Variants in CCDC178 observed in about 807,000 individuals in gnomAD.
The protein encoded by CCDC178 is coiled-coil domain-containing protein 178.
In CCDC178, 126 loss-of-function variants were observed where a neutral mutation model predicts 117.4. The observed-to-expected ratio is 1.07, with a 90% CI of 0.93 to 1.24. The LOEUF is 1.24. CCDC178 is among the 50% of genes most tolerant of loss of function. The pLI is 0.00. For missense variants in CCDC178, 1,030 were observed against 986.9 expected (o/e 1.04, Z -0.59); for synonymous variants, 283 against 313.4 (o/e 0.90, Z 1.02).
intron 4 of CCDC178, among the ~76,000 whole-genome samples, chr18:33,392,401 A>G (rs2063575782): frequency 6.6e-6 from 1 of 152,154 alleles, no homozygotes; most frequent in Non-Finnish European, 1.5e-5. Context: ...TTTGAACTTT[A>G]GTTTTACTCT....
chr18:33,139,884 A>G (rs1281620161), intron 20 of CCDC178, among the ~76,000 whole-genome samples: 2 of 152,108 alleles, frequency 1.3e-5, no homozygotes, highest in Non-Finnish European at 1.5e-5. Context: ...AGGGCCTCCC[A>G]TCACAGGCCT....
rs1200287834 is a variant in CCDC178 at position 33,412,121 on chromosome 18, A to T, written c.-22-11T>A. The T allele has an allele frequency of 9.6e-7, 1 of 1,044,086 alleles. No homozygotes were observed. Among genetic ancestry groups the T allele is most frequent in the East Asian group, 2.6e-5 (1 of 38,440 alleles). 64.7% of individuals were successfully genotyped at this position (1,044,086 alleles called of 1,614,324 possible). A position where few individuals can be genotyped will look rare whatever the true frequency, so the allele number is the denominator to read the frequency against. ...AGAATATTTTAAAACCTAATTAGAA[A>T]GAAAAATATTTAAATATCATGAATC... On this transcript the variant is annotated splice_polypyrimidine_tract_variant and intron_variant, in intron 2 of 22. Transcript: ENST00000383096.
At chr18:33,203,694 A>G (rs967015248) in intron 20 of CCDC178, among the ~76,000 whole-genome samples, 2 of 152,144 alleles carry the variant, frequency 1.3e-5, no homozygotes, top group African/African-American at 4.8e-5. Context: ...AACCTGAAAT[A>G]TTTCTCCATT....
intron 20 of CCDC178, among the ~76,000 whole-genome samples, chr18:33,129,025 C>G (rs1335634956): frequency 6.6e-6 from 1 of 152,064 alleles, no homozygotes; most frequent in Non-Finnish European, 1.5e-5. Flanking sequence ...ATTAAAGATA[C>G]CCACCCCTGG....
chr18:33,162,247 G>T (rs2058473830), intron 20 of CCDC178, among the ~76,000 whole-genome samples: 1 of 152,062 alleles, frequency 6.6e-6, no homozygotes, highest in African/African-American at 2.4e-5. Flanking sequence ...ACGAGTTAAT[G>T]GGTGCAGCAC....
At chr18:33,345,001 A>G (rs1347337593) in intron 9 of CCDC178, among the ~76,000 whole-genome samples, 1 of 152,120 alleles carries the variant, frequency 6.6e-6, no homozygotes, top group Admixed American at 6.5e-5. Flanking sequence ...GAATTCATAC[A>G]CCCTACTTTG....
chr18:32,964,967 T>C (rs2144669925), intron 22 of CCDC178, among the ~76,000 whole-genome samples: 1 of 152,090 alleles, frequency 6.6e-6, no homozygotes, highest in South Asian at 2.1e-4. Context: ...TTAACTTGTT[T>C]GTTTACTGTC....
At chr18:33,273,131 G>C (rs2059909248) in intron 12 of CCDC178, among the ~76,000 whole-genome samples, 1 of 151,472 alleles carries the variant, frequency 6.6e-6, no homozygotes, top group African/African-American at 2.4e-5. Context: ...AAAAGGATTT[G>C]TGTAGAGAAA....
At chr18:32,944,089 C>A (rs1314913780) in intron 22 of CCDC178, among the ~76,000 whole-genome samples, 3 of 152,006 alleles carry the variant, frequency 2.0e-5, no homozygotes, top group Admixed American at 6.6e-5. Context: ...AGGGAAGGAT[C>A]CCCCTACCCC....
intron 21 of CCDC178, among the ~76,000 whole-genome samples, chr18:33,077,168 C>A (rs1261442353): frequency 6.6e-6 from 1 of 152,054 alleles, no homozygotes; most frequent in Non-Finnish European, 1.5e-5. Flanking sequence ...GACAGTTATA[C>A]CCTGTATATG....
intron 14 of CCDC178, among the ~76,000 whole-genome samples, chr18:33,263,836 G>A (rs756974560): frequency 1.3e-5 from 2 of 151,968 alleles, no homozygotes; most frequent in Non-Finnish European, 2.9e-5. Flanking sequence ...AGATTGCAAT[G>A]ATTAACTCAA....
chr18:33,096,611 C>A (rs1490032793), intron 20 of CCDC178, among the ~76,000 whole-genome samples: 1 of 151,780 alleles, frequency 6.6e-6, no homozygotes, highest in Non-Finnish European at 1.5e-5. Flanking sequence ...CCCTCCTCTC[C>A]CTAAAAAGAA....
chr18:33,019,577 T>C (rs1275504236), intron 21 of CCDC178, among the ~76,000 whole-genome samples: 1 of 152,124 alleles, frequency 6.6e-6, no homozygotes, highest in Non-Finnish European at 1.5e-5. Context: ...TATCTTTAAA[T>C]AAAACAAAAA....
intron 21 of CCDC178, among the ~76,000 whole-genome samples, chr18:32,981,714 T>G (rs945564425): frequency 6.6e-6 from 1 of 152,192 alleles, no homozygotes; most frequent in African/African-American, 2.4e-5. Flanking sequence ...ATTTTTGTTA[T>G]ATACCCACTA....
chr18:33,149,102 G>T (rs1470634074), intron 20 of CCDC178, among the ~76,000 whole-genome samples: 1 of 152,138 alleles, frequency 6.6e-6, no homozygotes, highest in Admixed American at 6.5e-5. Context: ...TTGGGATGAA[G>T]AATCACCAAG....
At chr18:33,399,219 A>G (rs1280617900) in intron 3 of CCDC178, among the ~76,000 whole-genome samples, 2 of 151,856 alleles carry the variant, frequency 1.3e-5, no homozygotes, top group African/African-American at 4.8e-5. Flanking sequence ...AAAAAAGTTA[A>G]TGGTCATGTG....
At chr18:33,210,677 T>C (rs2059096262) in intron 20 of CCDC178, among the ~76,000 whole-genome samples, 1 of 151,980 alleles carries the variant, frequency 6.6e-6, no homozygotes, top group Admixed American at 6.6e-5. Context: ...CTTTGAGAGG[T>C]GCATTGGAGT....
chr18:33,235,960 G>A (rs2059422038), intron 15 of CCDC178, among the ~76,000 whole-genome samples: 1 of 152,134 alleles, frequency 6.6e-6, no homozygotes, highest in African/African-American at 2.4e-5. Flanking sequence ...TGGAAAAACT[G>A]GGACAAATCA....
chr18:33,192,125 C>T (rs1412379794), intron 20 of CCDC178, among the ~76,000 whole-genome samples: 3 of 152,108 alleles, frequency 2.0e-5, no homozygotes. Flanking sequence ...CAGTCGCTTC[C>T]TCCATGGACC....
Sources: gnomAD v4.1 joint callset for allele counts (sites outside exome capture counted in the v4.1 genomes callset) on GRCh38, gnomAD v4.1.1 for gene constraint, MANE v1.5 for transcripts, NCBI Gene and HGNC (gene_info 2026-07-23, HGNC 2026-07-21) for gene names.